Variants in GRIK2 observed in about 807,000 individuals in gnomAD.
The protein encoded by GRIK2 is glutamate receptor ionotropic, kainate 2.
GRIK2 carries 32 observed loss-of-function variants against 100.3 expected under a neutral mutation model. That is an observed-to-expected ratio of 0.32 (90% CI 0.24 to 0.43). The LOEUF is 0.43. GRIK2 is among the 20% of genes least tolerant of loss of function. The probability of loss-of-function intolerance (pLI) is 1.00; values close to 1 mark genes in which losing one functional copy is unlikely to be tolerated. For synonymous variants in GRIK2, 417 were observed against 389.4 expected (o/e 1.07, Z -0.83); for missense variants, 843 against 1,114.9 (o/e 0.76, Z 3.47).
intron 9 of GRIK2, among the ~76,000 whole-genome samples, chr6:101,813,100 T>C (rs1781435226): frequency 1.3e-5 from 2 of 151,946 alleles, no homozygotes; most frequent in Admixed American, 1.3e-4. Context: ...TATATAGAGA[T>C]ACATGCATAC....
At chr6:102,065,401 GAAGT>G (rs1562150388) in intron 16 of GRIK2, among the ~76,000 whole-genome samples, 1 of 151,222 alleles carries the variant, frequency 6.6e-6, no homozygotes, top group East Asian at 1.9e-4. Flanking sequence ...TTTGTAGTCT[GAAGT>G]AAGTATGGGG....
intron 2 of GRIK2, among the ~76,000 whole-genome samples, chr6:101,468,683 C>T (rs2128255066): frequency 6.6e-6 from 1 of 152,218 alleles, no homozygotes; most frequent in South Asian, 2.1e-4. Flanking sequence ...TTTTCCTGTA[C>T]AACTGGCCTT....
chr6:101,794,223 G>A (rs1780122111), intron 7 of GRIK2, among the ~76,000 whole-genome samples: 2 of 152,006 alleles, frequency 1.3e-5, no homozygotes, highest in Admixed American at 6.6e-5. Context: ...CTGCTGTTCT[G>A]TGCCCACTGT....
intron 2 of GRIK2, among the ~76,000 whole-genome samples, chr6:101,564,130 C>T (rs969506149): frequency 6.6e-6 from 1 of 152,174 alleles, no homozygotes; most frequent in Non-Finnish European, 1.5e-5. Context: ...CATGTCTCCT[C>T]AAGTCACGTT....
rs575340403 is a variant in GRIK2, at chr6:101,576,198, G to A, written c.116-45751G>A. ...TGCTCAGCTACCACTGATAAGGAAG[G>A]AAAAACATGTCTCTAAGCACTTTCA... On this transcript the variant is annotated intron_variant, in intron 2 of 16. Coordinates refer to ENST00000369134, the MANE Select transcript of GRIK2 (RefSeq NM_021956.5). Among the ~76,000 whole-genome samples, 6 of 152,024 alleles carry A rather than the reference G, an allele frequency of 3.9e-5. No individual in the cohort carries two copies. In the South Asian group the frequency reaches 1.2e-3, roughly 32 times the overall value.
intron 10 of GRIK2, among the ~76,000 whole-genome samples, chr6:101,852,693 T>C (rs756872097): frequency 6.6e-6 from 1 of 152,186 alleles, no homozygotes; most frequent in Non-Finnish European, 1.5e-5. Context: ...TATTCAAAAG[T>C]TGTTGCAGGA....
At chr6:101,701,414 C>T (rs1772888770) in intron 7 of GRIK2, among the ~76,000 whole-genome samples, 1 of 152,060 alleles carries the variant, frequency 6.6e-6, no homozygotes, top group South Asian at 2.1e-4. Flanking sequence ...AATTTGAATT[C>T]TGGTTCCGGC....
At chr6:101,975,773 G>GTCTATCTGTCTGTCTGTCTGTCTA (rs1793323893) in intron 14 of GRIK2, among the ~76,000 whole-genome samples, 1 of 146,660 alleles carries the variant, frequency 6.8e-6, no homozygotes, top group Non-Finnish European at 1.5e-5. Flanking sequence ...TTATCTATGT[G>GTCTATCTGTCTGTCTGTCTGTCTA]TCTATCTGTC....
At chr6:101,816,244 A>T (rs200558093) in intron 9 of GRIK2, among the ~76,000 whole-genome samples, 16,504 of 129,046 alleles carry the variant, frequency 0.13, 1,887 homozygotes, top group East Asian at 0.65. Context: ...ATTTATATTA[A>T]AAAAAAAAGT....
chr6:101,577,809 C>A (rs1010080963), intron 2 of GRIK2, among the ~76,000 whole-genome samples: 1 of 152,110 alleles, frequency 6.6e-6, no homozygotes, highest in Non-Finnish European at 1.5e-5. Flanking sequence ...ATATTCATTT[C>A]CTTTATTCAA....
rs1045074295 is a variant in GRIK2 at position 102,035,442 on chromosome 6, C to T, written c.2187C>T (p.Leu729=). The part of the protein sequence containing the change: ...KSNEEGIQRV[L]TSDYAFLMES... ...ATGAAGAAGGAATCCAGCGAGTCCT[C>T]ACCTCTGATTATGCTTTCCTAATGG... The change falls in exon 15 of 17, where the codon CTC becomes CTT. Residue 729 remains leucine (L), a synonymous_variant. Coordinates refer to ENST00000369134, the MANE Select transcript of GRIK2 (RefSeq NM_021956.5). 6.2e-7 allele frequency: 1 copy of T among 1,607,890 alleles called. No individual in the cohort carries two copies. Among genetic ancestry groups the T allele is most frequent in the Non-Finnish European group, 8.5e-7 (1 of 1,175,266 alleles).
In GRIK2 at chr6:101,780,972, G is replaced by T. The variant is rs78522094; in HGVS notation, c.952-18676G>T. ...TCATGAAATAAAGACTAAAATTGCT[G>T]CTTTTTAAACTTATTTTGTCCTCTG... is the stretch of plus-strand genomic sequence containing the variant. On this transcript the variant is annotated intron_variant, in intron 7 of 16. Transcript: ENST00000369134. Among the ~76,000 whole-genome samples, 152 of 152,252 alleles carry T rather than the reference G, an allele frequency of 1.0e-3. 1 individual carries two copies. Among genetic ancestry groups the T allele is most frequent in the East Asian group, 7.7e-3 (40 of 5,182 alleles).
At chr6:101,946,147 G>A (rs1378229435) in intron 14 of GRIK2, among the ~76,000 whole-genome samples, 1 of 151,868 alleles carries the variant, frequency 6.6e-6, no homozygotes, top group African/African-American at 2.4e-5. Flanking sequence ...TTTGAGATTA[G>A]TAAAGTTAGT....
At chr6:101,795,787 C>T (rs556182216) in intron 7 of GRIK2, among the ~76,000 whole-genome samples, 2 of 152,236 alleles carry the variant, frequency 1.3e-5, no homozygotes, top group South Asian at 4.1e-4. Flanking sequence ...GGGATAGTGC[C>T]AGGGGTGTGG....
intron 14 of GRIK2, among the ~76,000 whole-genome samples, chr6:101,986,272 A>T (rs1478040667): frequency 6.6e-6 from 1 of 151,918 alleles, no homozygotes. Context: ...TAGAATTTAG[A>T]ATTATGAATA....
chr6:101,786,561 C>T (rs1436193685), intron 7 of GRIK2, among the ~76,000 whole-genome samples: 1 of 151,838 alleles, frequency 6.6e-6, no homozygotes, highest in Non-Finnish European at 1.5e-5. Flanking sequence ...ATGATTTTTA[C>T]CCTTTATTCT....
intron 2 of GRIK2, among the ~76,000 whole-genome samples, chr6:101,497,675 T>C (rs1477558886): frequency 6.6e-6 from 1 of 152,174 alleles, no homozygotes; most frequent in Non-Finnish European, 1.5e-5. Flanking sequence ...GAGAGATATT[T>C]CTTATTTTAA....
chr6:101,570,239 T>C (rs916862739), intron 2 of GRIK2, among the ~76,000 whole-genome samples: 1 of 152,040 alleles, frequency 6.6e-6, no homozygotes, highest in Admixed American at 6.6e-5. Flanking sequence ...TCTGGTAAAC[T>C]TGGGGTAATA....
intron 2 of GRIK2, among the ~76,000 whole-genome samples, chr6:101,456,687 G>GA (rs375699232): frequency 0.9 from 134,795 of 150,342 alleles, 60,465 homozygotes; most frequent in African/African-American, 0.9. Flanking sequence ...GCTTAATTTG[G>GA]AAAAAAAAAC....
Sources: allele counts gnomAD v4.1 joint callset (sites outside exome capture counted in the v4.1 genomes callset), GRCh38; gene constraint gnomAD v4.1.1; transcripts MANE v1.5; gene names NCBI Gene and HGNC (gene_info 2026-07-23, HGNC 2026-07-21).